The following FBXO24 variants were observed in gnomAD, a reference collection of about 807,000 sequenced individuals.
FBXO24 encodes F-box only protein 24.
Under a neutral mutation model 63.5 loss-of-function variants are expected in FBXO24, and 30 were observed. The ratio of observed to expected loss-of-function variants is 0.47; its 90% confidence interval spans 0.35 to 0.64. The LOEUF is 0.64. FBXO24 is among the 30% of genes least tolerant of loss of function. The pLI, the probability that FBXO24 is intolerant of heterozygous loss-of-function variation, is 0.00. For missense variants in FBXO24, 624 were observed against 763.4 expected (o/e 0.82, Z 2.15); for synonymous variants, 300 against 305.0 (o/e 0.98, Z 0.17).
intron 5 of FBXO24, 81 bp downstream of exon 5, chr7:100,593,098 C>T: frequency 8.2e-7 from 1 of 1,217,092 alleles, no homozygotes; most frequent in Middle Eastern, 2.1e-4. Flanking sequence ...GGAGGGAGGC[C>T]CCTCAGACTG....
intron 8 of FBXO24, among the ~76,000 whole-genome samples, chr7:100,597,893 G>GTTTA (rs1554354408): frequency 7.4e-6 from 1 of 134,830 alleles, no homozygotes; most frequent in Non-Finnish European, 1.6e-5. Context: ...TGTTTTTTTT[G>GTTTA]TTTTTTTTTT....
At chr7:100,596,708 G>A (rs2131274489) in intron 8 of FBXO24, among the ~76,000 whole-genome samples, 1 of 152,194 alleles carries the variant, frequency 6.6e-6, no homozygotes. Flanking sequence ...AAAATGAATA[G>A]GGCCTCAAAA....
In FBXO24 at chr7:100,600,463, G is replaced by T; in HGVS notation, c.1378-71G>T. The T allele has an allele frequency of 6.6e-7, 1 of 1,520,318 alleles. No individual in the cohort carries two copies. The highest frequency in any genetic ancestry group is 8.8e-7 in the Non-Finnish European group (1 of 1,135,826). 94.2% of individuals were successfully genotyped at this position (1,520,318 alleles called of 1,614,324 possible). On this transcript the variant is annotated intron_variant, in intron 9 of 9. Coordinates refer to ENST00000241071, the MANE Select transcript of FBXO24 (RefSeq NM_033506.3). The surrounding 1 kb of genome is among the most constrained non-coding windows in gnomAD (Gnocchi z 6.3). Reference sequence around the variant, plus strand: ...AGGGAAGAATGCAATAGGCAGATTAGCCCGGGCACCCTGGGAAACCCTGCA... The same window carrying T: ...AGGGAAGAATGCAATAGGCAGATTATCCCGGGCACCCTGGGAAACCCTGCA...
intron 8 of FBXO24, among the ~76,000 whole-genome samples, 185 bp downstream of exon 8, chr7:100,595,891 A>C (rs188050490): frequency 1.6e-4 from 24 of 152,328 alleles, no homozygotes; most frequent in Admixed American, 4.6e-4. Context: ...TACGAGGTCC[A>C]TTCTGTGCAG....
Position 100,586,611 on chromosome 7 carries a change from C to G in FBXO24, c.-15C>G. ...CCTGCCTCTTCTCTGAGGGACGGCT[C>G]TACCTACCAATAGCATGGGCGAGAA... On this transcript the variant is annotated 5_prime_UTR_variant, in exon 1 of 10. Transcript: ENST00000241071. 1 of 1,614,210 alleles carries G rather than the reference C, an allele frequency of 6.2e-7. No homozygotes were observed. The highest frequency in any genetic ancestry group is 1.3e-5 in the African/African-American group (1 of 75,074).
intron 8 of FBXO24, among the ~76,000 whole-genome samples, chr7:100,598,244 C>A (rs1230906441): frequency 6.6e-6 from 1 of 152,052 alleles, no homozygotes; most frequent in Non-Finnish European, 1.5e-5. Flanking sequence ...GTTTGTTTAG[C>A]CAACAGTGAA....
chr7:100,600,139 G>T lies in FBXO24; in HGVS notation c.1315G>T (p.Ala439Ser). ...SKELLGCGCG[A>S]GGRLPGWPKG... ...GGAGCTGCTGGGCTGCGGCTGTGGG[G>T]CTGGGGGCCGCCTCCCAGGCTGGCC... The change falls in exon 9 of 10, where the codon GCT (alanine) becomes TCT (serine). Residue 439 changes from alanine to serine, a missense_variant. Physicochemically the swap from Ala to Ser is moderately conservative, Grantham distance 99 (BLOSUM62 1). Around this residue, in one of 3 missense-constraint regions of FBXO24, gnomAD observed 216 missense variants for 245.2 expected, o/e 0.88. Coordinates refer to ENST00000241071, the MANE Select transcript of FBXO24 (RefSeq NM_033506.3). The surrounding 1 kb of genome is among the most constrained non-coding windows in gnomAD (Gnocchi z 6.3). 1 of 1,595,818 alleles carries T rather than the reference G, an allele frequency of 6.3e-7. No homozygotes were observed.
chr7:100,600,552 G>T lies in FBXO24; in HGVS notation c.1396G>T (p.Ala466Ser), dbSNP rs1311812991. Residue 466 changes from alanine to serine, a missense_variant, in exon 10 of 10, where the codon GCC becomes TCC. This residue lies in a region of FBXO24 where 216 missense variants were observed against 245.2 expected (regional missense o/e 0.88). Transcript: ENST00000241071. This position sits in a 1 kb window ranked among gnomAD's most constrained non-coding sequence, Gnocchi z 6.3. ...LQVKVPLCAC[A>S]LCATRECLYI... ...CTCCAAGGTCCCTCTGTGTGCCTGT[G>T]CCCTCTGTGCCACCAGGGAGTGCCT... is the stretch of plus-strand genomic sequence containing the variant. 1 of 1,570,478 alleles carries T rather than the reference G, an allele frequency of 6.4e-7. No individual in the cohort carries two copies. Among genetic ancestry groups the T allele is most frequent in the Non-Finnish European group, 8.7e-7 (1 of 1,155,888 alleles).
Position 100,594,558 on chromosome 7 carries a change from C to T in FBXO24, c.952+17C>T. 6.4e-7 allele frequency: 1 copy of T among 1,557,034 alleles called. No homozygotes were observed. The highest frequency in any genetic ancestry group is 1.2e-5 in the South Asian group (1 of 84,772). On this transcript the variant is annotated intron_variant, in intron 6 of 9. Coordinates refer to ENST00000241071, the MANE Select transcript of FBXO24 (RefSeq NM_033506.3). This position sits in a 1 kb window ranked among gnomAD's most constrained non-coding sequence, Gnocchi z 4.2. ...ACGTCACAGGTATGGACCACCTCCCCCCGGCTCAAGCCCGCAGCCTTGGTT... is the reference window on the plus strand; with the variant it reads ...ACGTCACAGGTATGGACCACCTCCCTCCGGCTCAAGCCCGCAGCCTTGGTT...
In FBXO24 at chr7:100,598,062, A is replaced by G. The variant is rs1584433204; in HGVS notation, c.1207-1969A>G. On this transcript the variant is annotated intron_variant, in intron 8 of 9. Coordinates refer to ENST00000241071, the MANE Select transcript of FBXO24 (RefSeq NM_033506.3). ...TTGTTTAAAAATACACAACTTGCCC[A>G]TCATGGTGGCTGACATCTGTAATCC... 2.6e-5 allele frequency among the ~76,000 whole-genome samples: 4 copies of G among 151,874 alleles called. No individual in the cohort carries two copies. In the South Asian group the frequency reaches 8.3e-4, roughly 32 times the overall value.
rs756503610 is a variant in FBXO24, at chr7:100,594,554, TC to T, written c.952+19del. ...CTCTACGTCACAGGTATGGACCACC[TC>T]CCCCCGGCTCAAGCCCGCAGCCTTG... is the stretch of plus-strand genomic sequence containing the variant. On this transcript the variant is annotated intron_variant, in intron 6 of 9. Transcript: ENST00000241071. The surrounding 1 kb of genome is among the most constrained non-coding windows in gnomAD (Gnocchi z 4.2). The T allele has an allele frequency of 5.8e-6, 9 of 1,554,852 alleles. No individual in the cohort carries two copies. The highest frequency in any genetic ancestry group is 3.6e-5 in the South Asian group (3 of 84,490).
chr7:100,597,203 G>A (rs1032654564), intron 8 of FBXO24, among the ~76,000 whole-genome samples: 6 of 152,124 alleles, frequency 3.9e-5, no homozygotes, highest in Non-Finnish European at 8.8e-5. Flanking sequence ...TCTAAGACAG[G>A]CCGTGCACCC....
At chr7:100,588,784 T>G (rs1369079848) in intron 1 of FBXO24, among the ~76,000 whole-genome samples, 1 of 152,222 alleles carries the variant, frequency 6.6e-6, no homozygotes, top group Non-Finnish European at 1.5e-5. Flanking sequence ...CCTTTATACA[T>G]GCAATGATGT....
At chr7:100,591,641 A>C (rs1376070843) in intron 3 of FBXO24, 26 bp from the exon 4 acceptor site, 1 of 1,607,828 alleles carries the variant, frequency 6.2e-7, no homozygotes, top group East Asian at 2.2e-5. Flanking sequence ...CATCCCTTGA[A>C]CCTTCCATCT....
chr7:100,593,354 G>A (rs1162862920), intron 5 of FBXO24, among the ~76,000 whole-genome samples: 2 of 151,874 alleles, frequency 1.3e-5, no homozygotes, highest in East Asian at 1.9e-4. Context: ...AAATTAGGTC[G>A]GGTGCGGCGG....
chr7:100,587,023 A>G (rs958460087), intron 1 of FBXO24, among the ~76,000 whole-genome samples: 3 of 152,172 alleles, frequency 2.0e-5, no homozygotes, highest in Admixed American at 6.5e-5. Context: ...CTGGACAGGA[A>G]TGGAGAGGGG....
rs755859348 is a variant in FBXO24, at chr7:100,586,661, G to A, written c.36G>A (p.Arg12=). Residue 12 remains arginine, a synonymous_variant, in exon 1 of 10, where the codon AGG becomes AGA. Transcript: ENST00000241071. ...GEKAVPLLRR[R]RVKRSCPSCG... ...AGGCGGTCCCTTTGCTAAGGAGGAGGCGGGTGAGCTAGAACTTTAAGACTG... is the reference window on the plus strand; with the variant it reads ...AGGCGGTCCCTTTGCTAAGGAGGAGACGGGTGAGCTAGAACTTTAAGACTG... 1.9e-6 allele frequency: 3 copies of A among 1,614,232 alleles called. No homozygotes were observed. The highest frequency in any genetic ancestry group is 2.5e-6 in the Non-Finnish European group (3 of 1,180,016).
chr7:100,597,079 C>T (rs1195621425), intron 8 of FBXO24, among the ~76,000 whole-genome samples: 2 of 152,078 alleles, frequency 1.3e-5, no homozygotes, highest in Non-Finnish European at 2.9e-5. Flanking sequence ...CAATTGGAAA[C>T]GTCTAGCTGG....
intron 8 of FBXO24, among the ~76,000 whole-genome samples, chr7:100,597,959 A>C (rs1802396128): frequency 7.0e-6 from 1 of 143,206 alleles, no homozygotes. Flanking sequence ...TCATGGCTTT[A>C]AGCAATCCTC....
Sources: allele counts gnomAD v4.1 joint callset (sites outside exome capture counted in the v4.1 genomes callset), GRCh38; gene constraint gnomAD v4.1.1; regional missense constraint gnomAD v4.1.1; non-coding constraint Gnocchi (gnomAD v3.1); transcripts MANE v1.5; gene names NCBI Gene and HGNC (gene_info 2026-07-23, HGNC 2026-07-21).